Variants in DLGAP1 observed in about 807,000 individuals in gnomAD.
DLGAP1 encodes disks large-associated protein 1.
DLGAP1 carries 11 observed loss-of-function variants against 90.8 expected under a neutral mutation model. The observed-to-expected ratio is 0.12, with a 90% confidence interval of 0.08 to 0.20. The LOEUF is 0.20. Among genes scored for constraint, DLGAP1 ranks in the 10% least tolerant of loss-of-function variants. DLGAP1 has a pLI of 1.00. For missense variants in DLGAP1, 1,050 were observed against 1,333.8 expected (o/e 0.79, Z 3.31); for synonymous variants, 558 against 540.7 (o/e 1.03, Z -0.44).
At chr18:4,373,815 T>A (rs2081964518) in intron 1 of DLGAP1, among the ~76,000 whole-genome samples, 1 of 152,242 alleles carries the variant, frequency 6.6e-6, no homozygotes, top group South Asian at 2.1e-4. Context: ...GGACAGTAGT[T>A]GGTGTAAACA....
chr18:3,793,010 C>G (rs2065808871), intron 5 of DLGAP1, among the ~76,000 whole-genome samples: 2 of 152,178 alleles, frequency 1.3e-5, no homozygotes, highest in African/African-American at 4.8e-5. Context: ...GGCTTTTTCA[C>G]TAGGAGTCTC....
intron 3 of DLGAP1, chr18:3,885,236 C>T (rs2071278031): frequency 1.3e-5 from 2 of 152,188 alleles, no homozygotes; most frequent in South Asian, 4.1e-4. Context: ...CCCCCCTCTC[C>T]TAATTAATGT....
At chr18:4,300,464 C>G (rs541107017) in intron 1 of DLGAP1, among the ~76,000 whole-genome samples, 5 of 152,282 alleles carry the variant, frequency 3.3e-5, no homozygotes, top group Admixed American at 2.6e-4. Flanking sequence ...CCTACAAACT[C>G]ATTCTCCAAA....
chr18:4,031,092 T>C (rs932079564), intron 2 of DLGAP1, among the ~76,000 whole-genome samples: 5 of 152,098 alleles, frequency 3.3e-5, no homozygotes, highest in African/African-American at 4.8e-5. Flanking sequence ...GCCATTCCTA[T>C]TGAAGTCAGC....
chr18:4,319,402 A>G (rs1162092829), intron 1 of DLGAP1, among the ~76,000 whole-genome samples: 1 of 152,204 alleles, frequency 6.6e-6, no homozygotes, highest in Non-Finnish European at 1.5e-5. Flanking sequence ...AAACAACATG[A>G]GGGCTGAACA....
rs35705949 is a variant in DLGAP1 at position 4,045,787 on chromosome 18, C to CTT, written c.-158-40588_-158-40587dup. ...TCGTTTAAAAGGTTAATCTTTAAAACTTTTTTTTTTTTTTTTTTTAAAGTT... is the reference window on the plus strand; with the variant it reads ...TCGTTTAAAAGGTTAATCTTTAAAACTTTTTTTTTTTTTTTTTTTTTAAAGTT... On this transcript the variant is annotated intron_variant, in intron 2 of 12. Coordinates refer to ENST00000315677, the MANE Select transcript of DLGAP1 (RefSeq NM_004746.4). 3.3e-3 allele frequency among the ~76,000 whole-genome samples: 441 copies of CTT among 132,174 alleles called. 4 individuals are homozygous for CTT. The highest frequency in any genetic ancestry group is 0.011 in the African/African-American group (377 of 34,946). The allele number at this position is 132,174 out of a possible 152,430, so 86.7% of individuals were successfully genotyped here.
chr18:3,820,986 A>G (rs969506736), intron 4 of DLGAP1, among the ~76,000 whole-genome samples: 3 of 152,234 alleles, frequency 2.0e-5, no homozygotes, highest in African/African-American at 7.2e-5. Flanking sequence ...TACTGCTTCA[A>G]AATTGAGATT....
chr18:4,303,285 T>C (rs913379933), intron 1 of DLGAP1, among the ~76,000 whole-genome samples: 1 of 151,828 alleles, frequency 6.6e-6, no homozygotes, highest in Non-Finnish European at 1.5e-5. Context: ...TTTTTTTTCA[T>C]TAGCAAAGTT....
chr18:3,556,236 G>A (rs665151), intron 9 of DLGAP1, among the ~76,000 whole-genome samples: 131,983 of 152,102 alleles, frequency 0.87, 58,306 homozygotes, highest in Non-Finnish European at 0.94. Flanking sequence ...AGCCTCAACT[G>A]ATATCCACAT....
At chr18:4,209,215 G>T (rs1378974235) in intron 1 of DLGAP1, among the ~76,000 whole-genome samples, 2 of 152,272 alleles carry the variant, frequency 1.3e-5, no homozygotes, top group Non-Finnish European at 2.9e-5. Flanking sequence ...CAAGGATTGG[G>T]GTTATGGCGG....
At chr18:3,927,782 T>C (rs202240224) in intron 3 of DLGAP1, among the ~76,000 whole-genome samples, 2 of 152,160 alleles carry the variant, frequency 1.3e-5, no homozygotes, top group African/African-American at 4.8e-5. Context: ...GTAAAAGTTG[T>C]ACATTTTACA....
At chr18:3,892,388 G>A (rs918089532) in intron 3 of DLGAP1, among the ~76,000 whole-genome samples, 2 of 152,042 alleles carry the variant, frequency 1.3e-5, no homozygotes, top group East Asian at 3.9e-4. Flanking sequence ...CAGTGACACT[G>A]GGCTCCTTGT....
Position 3,517,831 on chromosome 18 carries a change from A to AG in DLGAP1, c.2480-9171_2480-9170insC, listed in dbSNP as rs1190514486. 8.6e-5 allele frequency among the ~76,000 whole-genome samples: 13 copies of AG among 151,718 alleles called. 1 individual carries two copies. The highest frequency in any genetic ancestry group is 2.9e-5 in the Non-Finnish European group (2 of 67,898). On this transcript the variant is annotated intron_variant, in intron 10 of 12. Coordinates refer to ENST00000315677, the MANE Select transcript of DLGAP1 (RefSeq NM_004746.4). The surrounding 1 kb of genome is among the most constrained non-coding windows in gnomAD (Gnocchi z 4.1). ...AAACTCTGTCTCGGAAAAAAAAAAA[A>AG]AAGAAGAGAGTCACAATGTGTCTCT...
intron 7 of DLGAP1, among the ~76,000 whole-genome samples, chr18:3,646,992 T>C (rs910136848): frequency 5.9e-5 from 9 of 152,022 alleles, no homozygotes; most frequent in African/African-American, 2.2e-4. Context: ...CTCACGCCTG[T>C]AATCTCAGCA....
intron 1 of DLGAP1, among the ~76,000 whole-genome samples, chr18:4,225,376 C>T (rs1357266755): frequency 6.6e-6 from 1 of 152,014 alleles, no homozygotes; most frequent in Non-Finnish European, 1.5e-5. Flanking sequence ...AAATACCTAA[C>T]TCTTCTATGC....
At chr18:3,647,808 C>T (rs1047675512) in intron 7 of DLGAP1, among the ~76,000 whole-genome samples, 2 of 152,134 alleles carry the variant, frequency 1.3e-5, no homozygotes, top group African/African-American at 2.4e-5. Context: ...TAGCATTACC[C>T]CATTTTACAG....
At chr18:3,580,095 C>A (rs2055399582) in intron 8 of DLGAP1, 7 of 839,996 alleles carry the variant, frequency 8.3e-6, no homozygotes, top group Non-Finnish European at 1.4e-5. Flanking sequence ...AATTATCCTG[C>A]AGCTTGAGTC....
At chr18:4,278,001 T>C (rs2079454977) in intron 1 of DLGAP1, among the ~76,000 whole-genome samples, 1 of 151,270 alleles carries the variant, frequency 6.6e-6, no homozygotes, top group South Asian at 2.1e-4. Context: ...TTTTTTTTTT[T>C]CTTAGACCAT....
At chr18:4,025,802 T>C in intron 2 of DLGAP1, among the ~76,000 whole-genome samples, 1 of 152,216 alleles carries the variant, frequency 6.6e-6, no homozygotes, top group East Asian at 1.9e-4. Flanking sequence ...AAAATTGTTT[T>C]ACATGACTGC....
Sources: allele counts gnomAD v4.1 joint callset (sites outside exome capture counted in the v4.1 genomes callset), GRCh38; gene constraint gnomAD v4.1.1; non-coding constraint Gnocchi (gnomAD v3.1); transcripts MANE v1.5; gene names NCBI Gene and HGNC (gene_info 2026-07-23, HGNC 2026-07-21).